Variants in PPP3CA observed in about 807,000 individuals in gnomAD.
PPP3CA encodes the protein CAM-PRP catalytic subunit.
A neutral mutation model predicts 66.5 loss-of-function variants in PPP3CA; 14 were observed. The observed-to-expected ratio is 0.21, with a 90% CI of 0.14 to 0.33. The LOEUF is 0.33. PPP3CA is among the 10% of genes least tolerant of loss of function. The pLI is 1.00. For missense variants in PPP3CA, 317 were observed against 639.5 expected, an observed-to-expected ratio of 0.50 and a Z score of 5.44; for synonymous variants, 232 against 226.2, an observed-to-expected ratio of 1.03 and a Z score of -0.23.
At chr4:101,129,920 C>T (rs1722373942) in intron 2 of PPP3CA, among the ~76,000 whole-genome samples, 1 of 152,042 alleles carries the variant, frequency 6.6e-6, no homozygotes, top group Non-Finnish European at 1.5e-5. Flanking sequence ...CAGAAGTAGG[C>T]TTCAGAGGGA....
At chr4:101,083,608 A>C (rs1372254543) in intron 6 of PPP3CA, among the ~76,000 whole-genome samples, 2 of 152,230 alleles carry the variant, frequency 1.3e-5, no homozygotes, top group Non-Finnish European at 2.9e-5. Context: ...CAAGATAATG[A>C]ATTTAAAATA....
intron 1 of PPP3CA, among the ~76,000 whole-genome samples, chr4:101,222,758 A>T (rs1485724778): frequency 6.6e-6 from 1 of 151,754 alleles, no homozygotes; most frequent in African/African-American, 2.4e-5. Context: ...AAATACAAAT[A>T]TGAACGAACT....
At chr4:101,269,747 T>C (rs1219457684) in intron 1 of PPP3CA, among the ~76,000 whole-genome samples, 1 of 152,090 alleles carries the variant, frequency 6.6e-6, no homozygotes, top group Admixed American at 6.6e-5. Flanking sequence ...CTGGCATAAT[T>C]ACCCACCTCA....
chr4:101,122,457 G>A (rs1373452062), intron 2 of PPP3CA, among the ~76,000 whole-genome samples: 1 of 152,188 alleles, frequency 6.6e-6, no homozygotes, highest in Non-Finnish European at 1.5e-5. Flanking sequence ...ATGTGACACA[G>A]GGTAGATTCT....
chr4:101,242,580 C>T (rs940395212), intron 1 of PPP3CA, among the ~76,000 whole-genome samples: 1 of 152,044 alleles, frequency 6.6e-6, no homozygotes, highest in African/African-American at 2.4e-5. Flanking sequence ...TATCCTGCAT[C>T]ATGGATTTGC....
intron 10 of PPP3CA, among the ~76,000 whole-genome samples, chr4:101,045,831 TAG>T (rs1234192249): frequency 6.6e-6 from 1 of 152,186 alleles, no homozygotes; most frequent in Non-Finnish European, 1.5e-5. Context: ...GCTGAATGAG[TAG>T]AGACAGACAT....
intron 2 of PPP3CA, among the ~76,000 whole-genome samples, chr4:101,117,511 C>A (rs935920356): frequency 6.6e-6 from 1 of 151,454 alleles, no homozygotes; most frequent in East Asian, 1.9e-4. Flanking sequence ...ATAAGGAATG[C>A]ATTTTTTTCC....
At position 101,131,098 on chromosome 4, in the gene PPP3CA, A is replaced by T. The variant is rs991821574; in HGVS notation, c.260-22020T>A. 1.2e-4 allele frequency among the ~76,000 whole-genome samples: 19 copies of T among 152,022 alleles called. 1 individual carries two copies. Among genetic ancestry groups the T allele is most frequent in the Non-Finnish European group, 2.1e-4 (14 of 67,930 alleles). On this transcript the variant is annotated intron_variant, in intron 2 of 13. Coordinates refer to ENST00000394854, the MANE Select transcript of PPP3CA (RefSeq NM_000944.5). ...CTAAGAACGCAAATATTAGTGGGGC[A>T]TGGTGGTGGGGGCCTATATTCCCAG... is the stretch of plus-strand genomic sequence containing the variant.
At chr4:101,161,827 A>G (rs1358978393) in intron 2 of PPP3CA, among the ~76,000 whole-genome samples, 2 of 152,194 alleles carry the variant, frequency 1.3e-5, no homozygotes, top group African/African-American at 4.8e-5. Flanking sequence ...CTAGCATACC[A>G]TAATAGGAGT....
intron 1 of PPP3CA, among the ~76,000 whole-genome samples, chr4:101,246,168 T>C (rs1162063913): frequency 6.6e-6 from 1 of 152,176 alleles, no homozygotes; most frequent in African/African-American, 2.4e-5. Context: ...TCTTATGAAG[T>C]ATTTTCTTTA....
At chr4:101,116,839 T>C (rs1721852081) in intron 2 of PPP3CA, among the ~76,000 whole-genome samples, 1 of 151,858 alleles carries the variant, frequency 6.6e-6, no homozygotes, top group South Asian at 2.1e-4. Flanking sequence ...AGGCACTTTA[T>C]AAAAAACAAA....
chr4:101,270,234 A>G (rs957003936), intron 1 of PPP3CA, among the ~76,000 whole-genome samples: 1 of 152,162 alleles, frequency 6.6e-6, no homozygotes, highest in Non-Finnish European at 1.5e-5. Flanking sequence ...TATCTGTGAG[A>G]TCCGTGACAG....
chr4:101,116,313 C>A (rs1250169481), intron 2 of PPP3CA, among the ~76,000 whole-genome samples: 2 of 151,824 alleles, frequency 1.3e-5, no homozygotes, highest in East Asian at 3.8e-4. Context: ...AGCCACAGTT[C>A]CCCAAGACAA....
intron 2 of PPP3CA, among the ~76,000 whole-genome samples, chr4:101,145,659 G>A (rs1477397742): frequency 6.6e-6 from 1 of 151,948 alleles, no homozygotes; most frequent in East Asian, 1.9e-4. Context: ...GGAAAAAGTG[G>A]GAATGGCTAA....
chr4:101,194,429 A>G (rs1560651549), intron 2 of PPP3CA, among the ~76,000 whole-genome samples: 1 of 152,196 alleles, frequency 6.6e-6, no homozygotes, highest in African/African-American at 2.4e-5. Context: ...CAAAAAGAAC[A>G]CTATTCTATG....
At chr4:101,121,674 T>C (rs1486878769) in intron 2 of PPP3CA, among the ~76,000 whole-genome samples, 3 of 152,120 alleles carry the variant, frequency 2.0e-5, no homozygotes, top group Admixed American at 6.6e-5. Flanking sequence ...TAATGGAGAA[T>C]TAAAAAAAAT....
At chr4:101,124,731 G>GA (rs368374016) in intron 2 of PPP3CA, among the ~76,000 whole-genome samples, 17 of 60,480 alleles carry the variant, frequency 2.8e-4, no homozygotes, top group Non-Finnish European at 5.3e-4. Context: ...GAAAGAGAAA[G>GA]AAAGAAAGAA....
intron 3 of PPP3CA, among the ~76,000 whole-genome samples, chr4:101,105,707 G>A (rs1456166689): frequency 6.6e-6 from 1 of 152,150 alleles, no homozygotes; most frequent in East Asian, 1.9e-4. Flanking sequence ...CACACATGAT[G>A]TAGTATCGTA....
intron 10 of PPP3CA, among the ~76,000 whole-genome samples, chr4:101,043,778 G>C (rs1727639601): frequency 6.6e-6 from 1 of 152,082 alleles, no homozygotes. Context: ...AGGAGGCTAA[G>C]GCAGGAGAAT....
Sources: gnomAD v4.1 joint callset for allele counts (sites outside exome capture counted in the v4.1 genomes callset) on GRCh38, gnomAD v4.1.1 for gene constraint, MANE v1.5 for transcripts, NCBI Gene and HGNC (gene_info 2026-07-23, HGNC 2026-07-21) for gene names.